TAT: variants seen among roughly 807,000 people sequenced by gnomAD.
TAT encodes the protein L-tyrosine:2-oxoglutarate aminotransferase.
In TAT, 35 loss-of-function variants were observed where a neutral mutation model predicts 53.6. That is an observed-to-expected ratio of 0.65 (90% CI 0.50 to 0.87). The LOEUF (loss-of-function observed/expected upper bound fraction) is 0.87. Among genes scored for constraint, TAT ranks in the 40% least tolerant of loss-of-function variants. The pLI, the probability that TAT is intolerant of heterozygous loss-of-function variation, is 0.00. For missense variants in TAT, 525 were observed against 571.8 expected (o/e 0.92, Z 0.83); for synonymous variants, 197 against 206.5 (o/e 0.95, Z 0.39).
intron 6 of TAT, 106 bp downstream of exon 6, chr16:71,572,080 T>A (rs1481164139): frequency 2.0e-6 from 3 of 1,467,740 alleles, no homozygotes; most frequent in Non-Finnish European, 2.9e-6. Context: ...GCTCCCCACC[T>A]CCACCCCAGG....
rs1246137962 is a variant in TAT, at chr16:71,576,224, C to T, written c.192G>A (p.Lys64=). 25 of 1,614,038 alleles carry T rather than the reference C, an allele frequency of 1.5e-5. No individual in the cohort carries two copies. Among genetic ancestry groups the T allele is most frequent in the Non-Finnish European group, 1.9e-5 (23 of 1,180,030 alleles). Residue 64 remains lysine, a synonymous_variant, in exon 2 of 12, where the codon AAG becomes AAA. Coordinates refer to ENST00000355962, the MANE Select transcript of TAT (RefSeq NM_000353.3). ...TGGTTTTGTTTGGATTTGGTTTCAC[C>T]TTCATGTTGTCCACAATGGCTCGGA... ...NPIRAIVDNM[K]VKPNPNKTMI...
At chr16:71,572,040 G>A (rs1341566821) in intron 6 of TAT, 146 bp downstream of exon 6, 4 of 998,694 alleles carry the variant, frequency 4.0e-6, no homozygotes, top group Non-Finnish European at 6.3e-6. Context: ...CCACTCCTAT[G>A]GCACAGTATT....
Position 71,570,320 on chromosome 16 carries a change from G to A in TAT, c.990C>T (p.Ile330=). 1 of 1,614,158 alleles carries A rather than the reference G, an allele frequency of 6.2e-7. No individual in the cohort carries two copies. Among genetic ancestry groups the A allele is most frequent in the Non-Finnish European group, 8.5e-7 (1 of 1,180,038 alleles). Residue 330 remains isoleucine (I), a synonymous_variant, in exon 9 of 12, where the codon ATC becomes ATT. Coordinates refer to ENST00000355962, the MANE Select transcript of TAT (RefSeq NM_000353.3). Reference sequence around the variant, plus strand: ...AAAACTCTCCCGGGGTGCGACATAGGATGCTTTTCAGAGCTCCCTGGACAA... The same window carrying A: ...AAAACTCTCCCGGGGTGCGACATAGAATGCTTTTCAGAGCTCCCTGGACAA... ...CTIVQGALKS[I]LCRTPGEFYH... is the part of the protein sequence containing the mutation.
At chr16:71,568,443 T>G in intron 11 of TAT, 159 bp from the exon 12 acceptor site, 1 of 725,654 alleles carries the variant, frequency 1.4e-6, no homozygotes, top group Non-Finnish European at 2.3e-6. Flanking sequence ...GCAACTGAGT[T>G]CATTCATCTT....
rs2044187264 is a variant in TAT at position 71,569,716 on chromosome 16, C to T, written c.1125+138G>A. The T allele has an allele frequency of 1.3e-5, 10 of 787,712 alleles. No individual in the cohort carries two copies. In the South Asian group the frequency reaches 1.3e-4, roughly 10 times the overall value. The allele number at this position is 787,712 out of a possible 1,614,324, so 48.8% of individuals were successfully genotyped here. Reference sequence around the variant, plus strand: ...CTCAGTGGGACAATTCAGAATAAGACAACTCCTAAACTGCTTGGCTTAGGA... The same window carrying T: ...CTCAGTGGGACAATTCAGAATAAGATAACTCCTAAACTGCTTGGCTTAGGA... On this transcript the variant is annotated intron_variant, in intron 10 of 11. Transcript: ENST00000355962.
Sources: allele counts gnomAD v4.1 joint callset, GRCh38; gene constraint gnomAD v4.1.1; transcripts MANE v1.5; gene names NCBI Gene and HGNC (gene_info 2026-07-23, HGNC 2026-07-21).